Variants in TENM4 observed in about 807,000 individuals in gnomAD.
TENM4 encodes teneurin-4.
In TENM4, 82 loss-of-function variants were observed where a neutral mutation model predicts 243.3. That is an observed-to-expected ratio of 0.34 (90% CI 0.28 to 0.40). TENM4 has a LOEUF of 0.40. TENM4 is among the 10% of genes least tolerant of loss of function. The pLI is 1.00. For missense variants in TENM4, 3,138 were observed against 3,673.3 expected, an observed-to-expected ratio of 0.85 and a Z score of 3.77; for synonymous variants, 1,412 against 1,456.3, an observed-to-expected ratio of 0.97 and a Z score of 0.69.
rs181286698 is a variant in TENM4 at position 79,350,343 on chromosome 11, A to G, written c.-320-52800T>C. 3.3e-5 allele frequency among the ~76,000 whole-genome samples: 5 copies of G among 151,290 alleles called. No individual in the cohort carries two copies. In the East Asian group the frequency reaches 9.7e-4, roughly 29 times the overall value. On this transcript the variant is annotated intron_variant, in intron 1 of 33. Transcript: ENST00000278550. ...GGCACCTCATACGCAAATTCCAGCA[A>G]CCTCTACTGCTAACACCTTAGTCCG...
chr11:79,298,300 G>C (rs552348156), intron 1 of TENM4, among the ~76,000 whole-genome samples: 1 of 151,866 alleles, frequency 6.6e-6, no homozygotes, highest in Non-Finnish European at 1.5e-5. Context: ...TGGATCATGA[G>C]GTCAGGAGAT....
chr11:78,965,770 G>A (rs781460990), intron 6 of TENM4, among the ~76,000 whole-genome samples: 5 of 152,252 alleles, frequency 3.3e-5, no homozygotes, highest in Non-Finnish European at 5.9e-5. Context: ...ACAGGAGCCC[G>A]TAACAAGTTG....
At chr11:78,874,428 CTG>C (rs1859214224) in intron 9 of TENM4, among the ~76,000 whole-genome samples, 1 of 152,158 alleles carries the variant, frequency 6.6e-6, no homozygotes, top group Non-Finnish European at 1.5e-5. Flanking sequence ...GTAATACAGT[CTG>C]TGTTTAATAC....
chr11:79,371,917 ACAAAGTGAG>A (rs2135510252), intron 1 of TENM4, among the ~76,000 whole-genome samples: 1 of 152,322 alleles, frequency 6.6e-6, no homozygotes, highest in African/African-American at 2.4e-5. Flanking sequence ...AACACCATTT[ACAAAGTGAG>A]CAGAGATAAG....
Position 78,742,410 on chromosome 11 carries a change from A to G in TENM4, c.2757-3840T>C, listed in dbSNP as rs1433883529. ...TAAAATTCCTTTAATTTCACAAAAAATCAGGCGCCTACTATGAGCCAGGCT... is the reference window on the plus strand; with the variant it reads ...TAAAATTCCTTTAATTTCACAAAAAGTCAGGCGCCTACTATGAGCCAGGCT... On this transcript the variant is annotated intron_variant, in intron 19 of 33. Transcript: ENST00000278550. Among the ~76,000 whole-genome samples, 4 of 152,156 alleles carry G rather than the reference A, an allele frequency of 2.6e-5. No individual in the cohort carries two copies. The East Asian group carries it at 7.7e-4, about 29-fold the overall frequency.
intron 1 of TENM4, among the ~76,000 whole-genome samples, chr11:79,397,714 T>C (rs1858374744): frequency 6.6e-6 from 1 of 152,196 alleles, no homozygotes. Flanking sequence ...ATCACAGTAC[T>C]TCTATTGGCA....
intron 2 of TENM4, among the ~76,000 whole-genome samples, chr11:79,283,320 G>GATAAC (rs1361712382): frequency 6.6e-6 from 1 of 150,688 alleles, no homozygotes; most frequent in Non-Finnish European, 1.5e-5. Context: ...TCTTCAATAA[G>GATAAC]ATAACATTAA....
chr11:79,172,687 C>A (rs1863072363), intron 3 of TENM4, among the ~76,000 whole-genome samples: 1 of 131,740 alleles, frequency 7.6e-6, no homozygotes, highest in Admixed American at 8.0e-5. Context: ...TTTTTTGAGT[C>A]AGGGTCTCTA....
chr11:78,725,558 CA>C (rs887994499), intron 23 of TENM4, among the ~76,000 whole-genome samples: 1 of 152,242 alleles, frequency 6.6e-6, no homozygotes, highest in African/African-American at 2.4e-5. Flanking sequence ...CTGTTCCCTT[CA>C]TGTCATCCTC....
intron 4 of TENM4, chr11:79,096,788 A>G (rs1033822353): frequency 6.6e-6 from 1 of 152,648 alleles, no homozygotes; most frequent in African/African-American, 2.4e-5. Context: ...ATGAGAAGAC[A>G]TAGTCTCAGC....
Position 78,657,066 on chromosome 11 carries a change from G to T in TENM4, c.*992C>A, listed in dbSNP as rs1043952035. On this transcript the variant is annotated 3_prime_UTR_variant, in exon 34 of 34. Transcript: ENST00000278550. The stretch of plus-strand genomic sequence containing the variant: ...GCTTTGCCTCGGAAGGCAGGCTGGT[G>T]CCCTCGCCACCACTGCCATGCCTTT... 5.0e-5 allele frequency: 20 copies of T among 398,550 alleles called. No individual in the cohort carries two copies. Among genetic ancestry groups the T allele is most frequent in the Non-Finnish European group, 8.0e-5 (18 of 226,122 alleles). 24.7% of individuals were successfully genotyped at this position (398,550 alleles called of 1,614,324 possible). A position where few individuals can be genotyped will look rare whatever the true frequency, so the allele number is the denominator to read the frequency against.
At chr11:79,174,872 A>C (rs910745610) in intron 3 of TENM4, among the ~76,000 whole-genome samples, 2 of 152,146 alleles carry the variant, frequency 1.3e-5, no homozygotes, top group African/African-American at 4.8e-5. Flanking sequence ...TACTTTGCCA[A>C]CCTTAGTGGT....
At chr11:78,887,140 T>C (rs1855563966) in intron 9 of TENM4, among the ~76,000 whole-genome samples, 1 of 152,244 alleles carries the variant, frequency 6.6e-6, no homozygotes, top group Non-Finnish European at 1.5e-5. Context: ...CTCCACAATC[T>C]GATGAAACAC....
chr11:78,711,791 C>T (rs1466965002), intron 26 of TENM4, among the ~76,000 whole-genome samples: 1 of 152,178 alleles, frequency 6.6e-6, no homozygotes, highest in Non-Finnish European at 1.5e-5. Flanking sequence ...TCTAAACCCC[C>T]ATGAACAGCT....
At chr11:78,852,824 A>C (rs1858571479) in intron 12 of TENM4, among the ~76,000 whole-genome samples, 1 of 152,134 alleles carries the variant, frequency 6.6e-6, no homozygotes, top group Non-Finnish European at 1.5e-5. Context: ...ATCATAGCCC[A>C]CTGCAACCTC....
chr11:79,282,953 G>T (rs1450841421), intron 2 of TENM4, among the ~76,000 whole-genome samples: 4 of 152,102 alleles, frequency 2.6e-5, no homozygotes, highest in Non-Finnish European at 4.4e-5. Context: ...AGGCTTCACT[G>T]CAGTGTTGTT....
chr11:79,270,361 C>T (rs1280945104), intron 2 of TENM4, among the ~76,000 whole-genome samples: 1 of 152,168 alleles, frequency 6.6e-6, no homozygotes, highest in African/African-American at 2.4e-5. Context: ...AGTCCCACAA[C>T]CTAATTACCA....
At chr11:78,810,588 G>A (rs1312144261) in intron 14 of TENM4, among the ~76,000 whole-genome samples, 1 of 152,306 alleles carries the variant, frequency 6.6e-6, no homozygotes, top group Non-Finnish European at 1.5e-5. Context: ...AGGGGTTGGC[G>A]TTCCTTCTCT....
chr11:78,906,553 C>T (rs1856066797), intron 6 of TENM4, among the ~76,000 whole-genome samples: 2 of 152,186 alleles, frequency 1.3e-5, no homozygotes. Flanking sequence ...TGGTCCAGGT[C>T]TAAAAACTAA....
Sources: allele counts gnomAD v4.1 joint callset (sites outside exome capture counted in the v4.1 genomes callset), GRCh38; gene constraint gnomAD v4.1.1; transcripts MANE v1.5; gene names NCBI Gene and HGNC (gene_info 2026-07-23, HGNC 2026-07-21).